The following CIITA variants were observed in gnomAD, a reference collection of about 807,000 sequenced individuals.
The protein encoded by CIITA is class II major histocompatibility complex transactivator.
In CIITA, 72 loss-of-function variants were observed where a neutral mutation model predicts 115.1. The ratio of observed to expected loss-of-function variants is 0.63; its 90% CI spans 0.52 to 0.76. The LOEUF is 0.76. CIITA is among the 30% of genes least tolerant of loss of function. CIITA has a pLI of 0.00. For missense variants in CIITA, 1,617 were observed against 1,463.8 expected (o/e 1.10, Z -1.71); for synonymous variants, 763 against 635.6 (o/e 1.20, Z -3.02).
At chr16:10,904,007 A>G (rs1401152352) in intron 9 of CIITA, 112 bp downstream of exon 9, 10 of 1,423,484 alleles carry the variant, frequency 7.0e-6, no homozygotes, top group South Asian at 2.3e-5. Flanking sequence ...ACAACAGGTC[A>G]TGTTTAGGGG....
At chr16:10,871,013 T>G (rs2035445995) in intron 1 of CIITA, among the ~76,000 whole-genome samples, 1 of 152,252 alleles carries the variant, frequency 6.6e-6, no homozygotes, top group Admixed American at 6.5e-5. Context: ...CAAATCAATG[T>G]GGCCCCTGCC....
Position 10,916,376 on chromosome 16 carries a change from G to A in CIITA, c.2979G>A (p.Ala993=), listed in dbSNP as rs142031278. ...FSSLQHLDLD[A]LSENKIGDEG... ...CTGATTCCACCTGCAGCCTGGATGC[G>A]CTGAGTGAGAACAAGATCGGGGACG... The change falls in exon 15 of 20, where the codon GCG becomes GCA. Residue 993 remains alanine (A), a synonymous_variant. Coordinates refer to ENST00000324288, the MANE Select transcript of CIITA (RefSeq NM_000246.4). 3.3e-5 allele frequency: 53 copies of A among 1,613,668 alleles called. No homozygotes were observed. Among genetic ancestry groups the A allele is most frequent in the African/African-American group, 1.6e-4 (12 of 74,872 alleles).
intron 1 of CIITA, among the ~76,000 whole-genome samples, chr16:10,894,497 A>G (rs1367293190): frequency 1.3e-5 from 2 of 152,190 alleles, no homozygotes; most frequent in Admixed American, 1.3e-4. Context: ...AATATGATAC[A>G]TATTTATGGG....
At chr16:10,906,405 A>T in intron 10 of CIITA, 94 bp from the exon 11 acceptor site, 10 of 1,361,364 alleles carry the variant, frequency 7.3e-6, no homozygotes, top group Non-Finnish European at 1.0e-5. Context: ...TGGGGAACAG[A>T]TGTAAATGAT....
intron 11 of CIITA, chr16:10,908,671 T>G: frequency 2.0e-6 from 1 of 498,468 alleles, no homozygotes; most frequent in Non-Finnish European, 3.7e-6. Flanking sequence ...TAATTTGGTT[T>G]CATTAAGTCG....
Position 10,901,968 on chromosome 16 carries a change from C to G in CIITA, c.482-70C>G, listed in dbSNP as rs2038801668. 1 of 1,593,842 alleles carries G rather than the reference C, an allele frequency of 6.3e-7. No homozygotes were observed. The highest frequency in any genetic ancestry group is 1.7e-5 in the Admixed American group (1 of 59,984). On this transcript the variant is annotated intron_variant, in intron 6 of 19. Transcript: ENST00000324288. This position sits in a 1 kb window ranked among gnomAD's most constrained non-coding sequence, Gnocchi z 6.8. ...TGTCAGGAGAGACATCCATGCCACT[C>G]CAGGGCCCTCCCCATCCCAGGAAGG...
At chr16:10,870,425 G>T (rs1043618588) in intron 1 of CIITA, among the ~76,000 whole-genome samples, 1 of 152,194 alleles carries the variant, frequency 6.6e-6, no homozygotes, top group Non-Finnish European at 1.5e-5. Context: ...CCCCAGGAAA[G>T]TTCCAGTGAG....
rs2041144658 is a variant in CIITA at position 10,942,954 on chromosome 16, C to G, written n.2080C>G. On this transcript the variant is annotated non_coding_transcript_exon_variant, in exon 2 of 2. Transcript: ENST00000573379. The surrounding 1 kb of genome is among the most constrained non-coding windows in gnomAD (Gnocchi z 5.0). ...GCTGGAAGGTCCGCCCACTACGGAACCTGCATCCTAGAGTTAAGGAACACC... is the reference window on the plus strand; with the variant it reads ...GCTGGAAGGTCCGCCCACTACGGAAGCTGCATCCTAGAGTTAAGGAACACC... 6.6e-6 allele frequency: 1 copy of G among 152,240 alleles called. No homozygotes were observed. The highest frequency in any genetic ancestry group is 6.5e-5 in the Admixed American group (1 of 15,294). The allele number at this position is 152,240 out of a possible 1,614,324, so 9.4% of individuals were successfully genotyped here. A position where few individuals can be genotyped will look rare whatever the true frequency, so the allele number is the denominator to read the frequency against.
rs527945294 is a variant in CIITA at position 10,901,296 on chromosome 16, C to T, written c.437-218C>T. 1.3e-5 allele frequency among the ~76,000 whole-genome samples: 2 copies of T among 152,224 alleles called. No homozygotes were observed. The highest frequency in any genetic ancestry group is 4.2e-4 in the South Asian group (2 of 4,812). The stretch of plus-strand genomic sequence containing the variant: ...TGTTGTGTCCCCATTTGTGACTCGG[C>T]CTCTTCTGCTGCTACACTGCCTGGT... On this transcript the variant is annotated intron_variant, in intron 5 of 19. Coordinates refer to ENST00000324288, the MANE Select transcript of CIITA (RefSeq NM_000246.4). The surrounding 1 kb of genome is among the most constrained non-coding windows in gnomAD (Gnocchi z 6.8).
Position 10,895,329 on chromosome 16 carries a change from T to A in CIITA, c.100T>A (p.Tyr34Asn). The A allele has an allele frequency of 6.2e-7, 1 of 1,614,104 alleles. No individual in the cohort carries two copies. The highest frequency in any genetic ancestry group is 1.3e-5 in the African/African-American group (1 of 75,032). The change falls in exon 2 of 20, where the codon TAC becomes AAC. Residue 34 changes from tyrosine to asparagine, a missense_variant. Tyr to Asn is a moderately radical substitution (Grantham distance 143). Coordinates refer to ENST00000324288, the MANE Select transcript of CIITA (RefSeq NM_000246.4). Reference sequence around the variant, plus strand: ...GGAGTTGGGGCCCCTAGAAGGTGGCTACCTGGAGCTTCTTAACAGCGATGC... The same window carrying A: ...GGAGTTGGGGCCCCTAGAAGGTGGCAACCTGGAGCTTCTTAACAGCGATGC... The part of the protein sequence containing the change: ...TMELGPLEGG[Y>N]LELLNSDADP...
Position 10,928,785 on chromosome 16 carries a change from A to G in CIITA, c.*4930A>G, listed in dbSNP as rs1279246225. 1 of 151,658 alleles carries G rather than the reference A, an allele frequency of 6.6e-6. No individual in the cohort carries two copies. Among genetic ancestry groups the G allele is most frequent in the African/African-American group, 2.4e-5 (1 of 41,134 alleles). 9.4% of individuals were successfully genotyped at this position (151,658 alleles called of 1,614,324 possible). A position where few individuals can be genotyped will look rare whatever the true frequency, so the allele number is the denominator to read the frequency against. On this transcript the variant is annotated 3_prime_UTR_variant, in exon 20 of 20. Transcript: ENST00000324288. ...TTTCACGCCAGCCCGACTGGGGCAG[A>G]CTCTCTCAACCCCACTGGATCTTCT...
upstream of CIITA, among the ~76,000 whole-genome samples, chr16:10,876,687 T>C (rs2035870129): frequency 6.6e-6 from 1 of 152,220 alleles, no homozygotes; most frequent in African/African-American, 2.4e-5. Flanking sequence ...TCTTTTGGTA[T>C]AATTTATGTT....
chr16:10,895,585 C>T (rs2038048802), intron 2 of CIITA, 84 bp from the exon 3 acceptor site: 1 of 1,575,058 alleles, frequency 6.3e-7, no homozygotes, highest in Non-Finnish European at 8.7e-7. Context: ...GATGATCTCC[C>T]AGCCCTGCCC....
chr16:10,901,083 T>A lies in CIITA; in HGVS notation c.437-431T>A, dbSNP rs1159480090. The stretch of plus-strand genomic sequence containing the variant: ...AGGGACACGTGGGTTTTTAATCTGT[T>A]GCTGTGAGTGCTTGATACTCACTCA... On this transcript the variant is annotated intron_variant, in intron 5 of 19. Transcript: ENST00000324288. This position sits in a 1 kb window ranked among gnomAD's most constrained non-coding sequence, Gnocchi z 6.8. Among the ~76,000 whole-genome samples the A allele has an allele frequency of 6.6e-6, 1 of 152,198 alleles. No homozygotes were observed. The highest frequency in any genetic ancestry group is 2.4e-5 in the African/African-American group (1 of 41,456).
chr16:10,937,429 T>G (rs1596659788), downstream of CIITA: 1 of 152,476 alleles, frequency 6.6e-6, no homozygotes, highest in South Asian at 2.1e-4. The surrounding 1 kb of genome is among the most constrained non-coding windows in gnomAD (Gnocchi z 4.2). Context: ...GGCCACAGAT[T>G]GGCAAGGAGG....
At chr16:10,904,846 T>A (rs778118781) in intron 10 of CIITA, 34 bp downstream of exon 10, 1 of 1,608,670 alleles carries the variant, frequency 6.2e-7, no homozygotes, top group African/African-American at 1.3e-5. Context: ...CCCTGGGTGG[T>A]GGAGATGGAA....
Position 10,907,639 on chromosome 16 carries a change from T to G in CIITA, c.2147T>G (p.Phe716Cys). The G allele has an allele frequency of 6.2e-7, 1 of 1,614,174 alleles. No homozygotes were observed. The highest frequency in any genetic ancestry group is 8.5e-7 in the Non-Finnish European group (1 of 1,180,026). The part of the protein sequence containing the change: ...LAFPSFLLQC[F>C]LGALWLALSG... ...TTCCCCAGCTTCCTCCTGCAATGCT[T>G]CCTGGGGGCCCTGTGGCTGGCTCTG... is the stretch of plus-strand genomic sequence containing the variant. Residue 716 changes from phenylalanine to cysteine, a missense_variant, in exon 11 of 20, where the codon TTC becomes TGC. Physicochemically the swap from Phe to Cys is radical, Grantham distance 205. Transcript: ENST00000324288. The surrounding 1 kb of genome is among the most constrained non-coding windows in gnomAD (Gnocchi z 5.0).
Position 10,923,419 on chromosome 16 carries a change from G to A in CIITA, c.*22+94G>A. On this transcript the variant is annotated intron_variant, in intron 19 of 19. Transcript: ENST00000324288. The surrounding 1 kb of genome is among the most constrained non-coding windows in gnomAD (Gnocchi z 5.2). Reference sequence around the variant, plus strand: ...TTCAAAAAATGTGGGCGGGACACAGGTGGGGCTAGGCCACCACCCTTGGAC... The same window carrying A: ...TTCAAAAAATGTGGGCGGGACACAGATGGGGCTAGGCCACCACCCTTGGAC... The A allele has an allele frequency of 3.1e-6, 3 of 967,696 alleles. No individual in the cohort carries two copies. Among genetic ancestry groups the A allele is most frequent in the East Asian group, 4.9e-5 (2 of 41,186 alleles). The allele number at this position is 967,696 out of a possible 1,614,324, so 59.9% of individuals were successfully genotyped here.
chr16:10,884,442 T>A (rs2036731054), intron 1 of CIITA, among the ~76,000 whole-genome samples: 1 of 152,176 alleles, frequency 6.6e-6, no homozygotes, highest in East Asian at 1.9e-4. Context: ...TGAGACAAAG[T>A]CTCACTCTGT....
Sources: allele counts gnomAD v4.1 joint callset (sites outside exome capture counted in the v4.1 genomes callset), GRCh38; gene constraint gnomAD v4.1.1; non-coding constraint Gnocchi (gnomAD v3.1); transcripts MANE v1.5; gene names NCBI Gene and HGNC (gene_info 2026-07-23, HGNC 2026-07-21).